Variants in ANAPC1 observed in about 807,000 individuals in gnomAD.
ANAPC1 encodes the protein anaphase promoting complex subunit 1.
A neutral mutation model predicts 208.0 loss-of-function variants in ANAPC1; 36 were observed. That is an observed-to-expected ratio of 0.17 (90% CI 0.13 to 0.23). The LOEUF (loss-of-function observed/expected upper bound fraction) is 0.23, where lower values mean the gene tolerates loss of function less well. ANAPC1 is among the 10% of genes least tolerant of loss of function. ANAPC1 has a pLI of 1.00. For missense variants in ANAPC1, 942 were observed against 2,011.6 expected, an observed-to-expected ratio of 0.47 and a Z score of 10.17; for synonymous variants, 378 against 695.2, an observed-to-expected ratio of 0.54 and a Z score of 7.18.
chr2:111,780,311 C>G lies in ANAPC1; in HGVS notation c.5277G>C (p.Val1759=). The G allele has an allele frequency of 2.5e-6, 1 of 400,098 alleles. No homozygotes were observed. Among genetic ancestry groups the G allele is most frequent in the South Asian group, 2.2e-5 (1 of 45,272 alleles). 24.8% of individuals were successfully genotyped at this position (400,098 alleles called of 1,614,324 possible). A position where few individuals can be genotyped will look rare whatever the true frequency, so the allele number is the denominator to read the frequency against. ...ATAGAATATATACCTGACCCATGTT[C>G]ACAGTTGGCTTGCAGAAATATTCAG... is the stretch of plus-strand genomic sequence containing the variant. ...SFAEYFCKPT[V]NMGQKQEILD... The change falls in exon 44 of 48, where the codon GTG becomes GTC. Residue 1759 remains valine, a synonymous_variant. Transcript: ENST00000341068.
chr2:111,821,752 G>A (rs1320400863), intron 25 of ANAPC1: 1 of 385,432 alleles, frequency 2.6e-6, no homozygotes, highest in Non-Finnish European at 4.8e-6. Flanking sequence ...TGGCCAACAT[G>A]GTGAGGATGA....
intron 18 of ANAPC1, among the ~76,000 whole-genome samples, chr2:111,836,234 G>A (rs1234500202): frequency 6.6e-6 from 1 of 151,664 alleles, no homozygotes; most frequent in South Asian, 2.1e-4. Flanking sequence ...GGCTGAAGCA[G>A]TCCTCCTGCC....
chr2:111,791,448 G>A (rs1276825774), intron 38 of ANAPC1, among the ~76,000 whole-genome samples: 2 of 150,230 alleles, frequency 1.3e-5, no homozygotes, highest in Non-Finnish European at 3.0e-5. Context: ...CAACAAAATC[G>A]AAGACATGTA....
intron 16 of ANAPC1, 121 bp downstream of exon 16, chr2:111,847,017 T>G: frequency 3.9e-6 from 3 of 769,162 alleles, no homozygotes; most frequent in Non-Finnish European, 6.4e-6. Flanking sequence ...TTAAAGCTCC[T>G]CTACAAAGCT....
intron 13 of ANAPC1, among the ~76,000 whole-genome samples, chr2:111,855,308 A>G (rs1287171876): frequency 1.3e-5 from 2 of 152,244 alleles, no homozygotes; most frequent in African/African-American, 2.4e-5. Flanking sequence ...AGATAAACTA[A>G]TAACAAAAAG....
At chr2:111,868,953 G>A (rs1682585355) in intron 6 of ANAPC1, among the ~76,000 whole-genome samples, 1 of 152,138 alleles carries the variant, frequency 6.6e-6, no homozygotes, top group Middle Eastern at 3.2e-3. Context: ...CCTACCTCTT[G>A]CACCACAACA....
intron 13 of ANAPC1, among the ~76,000 whole-genome samples, chr2:111,854,529 A>G (rs1349356687): frequency 6.6e-6 from 1 of 152,206 alleles, no homozygotes; most frequent in African/African-American, 2.4e-5. Flanking sequence ...CCTAGATGGC[A>G]TCTTCTTCCA....
chr2:111,793,014 G>A (rs948853192), intron 37 of ANAPC1, among the ~76,000 whole-genome samples: 3 of 152,248 alleles, frequency 2.0e-5, no homozygotes, highest in Non-Finnish European at 1.5e-5. Flanking sequence ...AAGTTCAACA[G>A]AGATAATTTC....
chr2:111,769,729 T>A (rs1388908284), intron 47 of ANAPC1, among the ~76,000 whole-genome samples: 2 of 139,280 alleles, frequency 1.4e-5, no homozygotes, highest in African/African-American at 5.3e-5. Context: ...CCACCGGGGC[T>A]GGAGTGCAGT....
chr2:111,864,919 C>T lies in ANAPC1; in HGVS notation c.718G>A (p.Val240Ile). The stretch of plus-strand genomic sequence containing the variant: ...AAAACAATTTTCATTGCATGATCTA[C>T]AACATATTGCACCCGTGATGAACCA... Reference protein sequence around the residue: ...LFGSSRVQYVVDHAMKIVFLN... With the variant: ...LFGSSRVQYVIDHAMKIVFLN... Residue 240 changes from valine (V) to isoleucine (I), a missense_variant, in exon 8 of 48, where the codon GTA becomes ATA. Val to Ile is a conservative substitution (Grantham distance 29, BLOSUM62 3). Transcript: ENST00000341068. The T allele has an allele frequency of 6.2e-7, 1 of 1,611,520 alleles. No homozygotes were observed. Among genetic ancestry groups the T allele is most frequent in the Non-Finnish European group, 8.5e-7 (1 of 1,179,692 alleles).
chr2:111,798,862 G>A (rs1438400071), intron 34 of ANAPC1, among the ~76,000 whole-genome samples: 1 of 152,102 alleles, frequency 6.6e-6, no homozygotes, highest in African/African-American at 2.4e-5. Flanking sequence ...GTGAAACCCC[G>A]TCTCTACTAA....
Position 111,880,748 on chromosome 2 carries a change from G to A in ANAPC1, c.78C>T (p.Asp26=). The A allele has an allele frequency of 6.2e-7, 1 of 1,613,892 alleles. No homozygotes were observed. The highest frequency in any genetic ancestry group is 8.5e-7 in the Non-Finnish European group (1 of 1,179,858). ...AAGCATTAGGGTGGTGCTTGCAGTG[G>A]TCTCGACCAAAAGGAACAAATTCCT... is the stretch of plus-strand genomic sequence containing the variant. ...DLQEFVPFGR[D]HCKHHPNALN... is the part of the protein sequence containing the mutation. The change falls in exon 2 of 48, where the codon GAC becomes GAT. Residue 26 remains aspartate, a synonymous_variant. Transcript: ENST00000341068.
intron 10 of ANAPC1, among the ~76,000 whole-genome samples, chr2:111,859,286 C>T (rs1455075028): frequency 2.0e-5 from 3 of 152,030 alleles, no homozygotes; most frequent in African/African-American, 2.4e-5. Context: ...AGTTCAAGAC[C>T]AGCCTGACCA....
intron 17 of ANAPC1, among the ~76,000 whole-genome samples, chr2:111,841,093 C>A (rs901026567): frequency 6.6e-6 from 1 of 152,162 alleles, no homozygotes; most frequent in African/African-American, 2.4e-5. Context: ...AGATTTCTCT[C>A]AAGGAAATTG....
intron 3 of ANAPC1, among the ~76,000 whole-genome samples, chr2:111,874,981 G>T (rs574380819): frequency 6.6e-6 from 1 of 152,164 alleles, no homozygotes; most frequent in African/African-American, 2.4e-5. Context: ...ACCATGCCTG[G>T]CTACACGTGT....
chr2:111,782,485 C>T lies in ANAPC1; in HGVS notation c.5086G>A (p.Val1696Ile), dbSNP rs755821664. 1 of 1,613,696 alleles carries T rather than the reference C, an allele frequency of 6.2e-7. No homozygotes were observed. The change falls in exon 43 of 48, where the codon GTT becomes ATT. Residue 1696 changes from valine to isoleucine, a missense_variant. Val to Ile is a conservative substitution (Grantham distance 29). Coordinates refer to ENST00000341068, the MANE Select transcript of ANAPC1 (RefSeq NM_022662.4). ...HLKSILSKDGVLYVKLRAGQL... is the reference protein window; with the variant it reads ...HLKSILSKDGILYVKLRAGQL... ...CCCGCCCGGAGTTTAACATATAAAA[C>T]CCCATCCTTGGAAAGGATGGACCTG... is the stretch of plus-strand genomic sequence containing the variant.
chr2:111,874,192 A>G (rs1490284468), intron 3 of ANAPC1, among the ~76,000 whole-genome samples: 1 of 152,260 alleles, frequency 6.6e-6, no homozygotes, highest in Non-Finnish European at 1.5e-5. Flanking sequence ...ATTAAACTTT[A>G]ACTGACATAC....
At chr2:111,866,673 G>A (rs1300591930) in intron 7 of ANAPC1, among the ~76,000 whole-genome samples, 7 of 149,618 alleles carry the variant, frequency 4.7e-5, no homozygotes, top group South Asian at 2.1e-4. Context: ...GCAGTGAGCC[G>A]AGATCGTGCC....
intron 2 of ANAPC1, 40 bp from the exon 3 acceptor site, chr2:111,879,011 T>C (rs756471724): frequency 6.4e-7 from 1 of 1,572,364 alleles, no homozygotes; most frequent in South Asian, 1.2e-5. Context: ...CAAGCACTCT[T>C]TTTTTGTTCT....
Sources: allele counts gnomAD v4.1 joint callset (sites outside exome capture counted in the v4.1 genomes callset), GRCh38; gene constraint gnomAD v4.1.1; transcripts MANE v1.5; gene names NCBI Gene and HGNC (gene_info 2026-07-23, HGNC 2026-07-21).